CDK17: variants seen among roughly 807,000 people sequenced by gnomAD.
The protein encoded by CDK17 is cyclin dependent kinase 17, also known as cyclin-dependent kinase 17.
Under a neutral mutation model 77.6 loss-of-function variants are expected in CDK17, and 24 were observed. The observed-to-expected ratio is 0.31, with a 90% CI of 0.22 to 0.44. The LOEUF (loss-of-function observed/expected upper bound fraction) is 0.44, where lower values mean the gene tolerates loss of function less well. Ranked by LOEUF, CDK17 falls within the 20% of genes least tolerant of loss-of-function variation. The pLI is 1.00. For missense variants in CDK17, 429 were observed against 622.5 expected (o/e 0.69, Z 3.31); for synonymous variants, 203 against 210.4 (o/e 0.96, Z 0.30).
chr12:96,359,668 T>C (rs1953463052), intron 1 of CDK17, among the ~76,000 whole-genome samples: 1 of 152,338 alleles, frequency 6.6e-6, no homozygotes, highest in African/African-American at 2.4e-5. Context: ...TTTTGGCATT[T>C]GGAGACAAAC....
chr12:96,333,627 T>C (rs111691066), intron 2 of CDK17, among the ~76,000 whole-genome samples: 234 of 151,314 alleles, frequency 1.5e-3, no homozygotes, highest in African/African-American at 5.6e-3. Flanking sequence ...TGAGCCAACA[T>C]TGTGCCACTG....
At chr12:96,293,323 C>A (rs987789144) in intron 10 of CDK17, among the ~76,000 whole-genome samples, 31 of 152,114 alleles carry the variant, frequency 2.0e-4, no homozygotes, top group African/African-American at 7.2e-4. Flanking sequence ...CACCCCTGAG[C>A]CACTGTGTCT....
intron 1 of CDK17, among the ~76,000 whole-genome samples, chr12:96,339,855 G>T (rs1272830016): frequency 6.6e-6 from 1 of 151,798 alleles, no homozygotes; most frequent in East Asian, 1.9e-4. Flanking sequence ...TGATCCCAGG[G>T]GGCAGAGGTT....
Position 96,362,650 on chromosome 12 carries a change from G to T in CDK17, c.-29-27785C>A, listed in dbSNP as rs1953513035. Among the ~76,000 whole-genome samples, 3 of 152,286 alleles carry T rather than the reference G, an allele frequency of 2.0e-5. No homozygotes were observed. The South Asian group carries it at 6.2e-4, about 32-fold the overall frequency. The stretch of plus-strand genomic sequence containing the variant: ...TTTTAGGCTTTGTGGGCTATATACA[G>T]TCTCTGCTAAATACTTTTAAGCAAC... On this transcript the variant is annotated intron_variant, in intron 1 of 16. Coordinates refer to ENST00000261211, the MANE Select transcript of CDK17 (RefSeq NM_002595.5).
intron 12 of CDK17, 75 bp downstream of exon 12, chr12:96,286,589 T>C: frequency 2.0e-6 from 2 of 981,752 alleles, no homozygotes; most frequent in South Asian, 2.8e-5. Flanking sequence ...TTAAAATATG[T>C]ATTTTAGAGA....
intron 14 of CDK17, among the ~76,000 whole-genome samples, chr12:96,283,025 G>A (rs998812758): frequency 1.3e-5 from 2 of 151,708 alleles, no homozygotes; most frequent in East Asian, 1.9e-4. Context: ...GTTTGTTCAA[G>A]GTGTCCATCA....
At chr12:96,396,846 C>T (rs1954177210) in intron 1 of CDK17, among the ~76,000 whole-genome samples, 2 of 152,148 alleles carry the variant, frequency 1.3e-5, no homozygotes, top group Admixed American at 1.3e-4. Context: ...TAGCCCATGA[C>T]GGTAAAATTT....
intron 3 of CDK17, among the ~76,000 whole-genome samples, chr12:96,314,158 G>C (rs1201622724): frequency 3.3e-5 from 5 of 152,090 alleles, no homozygotes; most frequent in Non-Finnish European, 7.4e-5. Flanking sequence ...GGAAGTAGGG[G>C]GAGGAAGATA....
At chr12:96,350,684 C>T (rs1953296745) in intron 1 of CDK17, among the ~76,000 whole-genome samples, 1 of 152,094 alleles carries the variant, frequency 6.6e-6, no homozygotes, top group African/African-American at 2.4e-5. Flanking sequence ...AAGAGTGAAA[C>T]TGGACCATTA....
chr12:96,304,155 T>G lies in CDK17; in HGVS notation c.544-3795A>C, dbSNP rs528675198. ...ATGTTTGACCTCACATAACTGAAATTGTGGAAAATGAAACCACAGATAAAG... is the reference window on the plus strand; with the variant it reads ...ATGTTTGACCTCACATAACTGAAATGGTGGAAAATGAAACCACAGATAAAG... On this transcript the variant is annotated intron_variant, in intron 5 of 16. Coordinates refer to ENST00000261211, the MANE Select transcript of CDK17 (RefSeq NM_002595.5). 5.9e-5 allele frequency among the ~76,000 whole-genome samples: 9 copies of G among 152,322 alleles called. No homozygotes were observed. In the East Asian group the frequency reaches 1.7e-3, roughly 29 times the overall value.
At chr12:96,338,232 T>A (rs747985208) in intron 1 of CDK17, among the ~76,000 whole-genome samples, 1 of 152,194 alleles carries the variant, frequency 6.6e-6, no homozygotes, top group Non-Finnish European at 1.5e-5. Context: ...CATGTTGTCA[T>A]AGCCCATGCA....
intron 1 of CDK17, among the ~76,000 whole-genome samples, chr12:96,390,833 C>T (rs150759071): frequency 1.3e-4 from 19 of 148,974 alleles, no homozygotes; most frequent in South Asian, 4.3e-4. Context: ...CTGGGTGTGG[C>T]GGCTCAAACC....
intron 1 of CDK17, among the ~76,000 whole-genome samples, chr12:96,394,195 A>G (rs1954126033): frequency 6.6e-6 from 1 of 151,996 alleles, no homozygotes; most frequent in Non-Finnish European, 1.5e-5. Flanking sequence ...GCAGTGAGCC[A>G]AGATCACGCC....
At chr12:96,285,874 A>G in intron 13 of CDK17, 169 bp downstream of exon 13, 1 of 381,924 alleles carries the variant, frequency 2.6e-6, no homozygotes, top group Non-Finnish European at 4.8e-6. Flanking sequence ...GTAACTACAT[A>G]AACTCTAGAA....
chr12:96,316,091 G>A (rs1223375066), intron 3 of CDK17, among the ~76,000 whole-genome samples: 1 of 152,210 alleles, frequency 6.6e-6, no homozygotes, highest in Non-Finnish European at 1.5e-5. Context: ...GCAGGCCAGT[G>A]TGTGTGCGCA....
chr12:96,280,745 C>A, intron 16 of CDK17, 63 bp downstream of exon 16: 1 of 1,593,054 alleles, frequency 6.3e-7, no homozygotes, highest in South Asian at 1.1e-5. Context: ...ATTTATAAAC[C>A]AAAAGCTTGG....
intron 1 of CDK17, among the ~76,000 whole-genome samples, chr12:96,391,505 G>A (rs1286175918): frequency 6.6e-6 from 1 of 151,968 alleles, no homozygotes; most frequent in East Asian, 1.9e-4. Context: ...TGCCCAGGCT[G>A]GTCTCGAACC....
At chr12:96,338,771 GTTTT>G (rs34576077) in intron 1 of CDK17, among the ~76,000 whole-genome samples, 15 of 146,590 alleles carry the variant, frequency 1.0e-4, no homozygotes, top group East Asian at 4.0e-4. Context: ...AGCCACTAAG[GTTTT>G]TTTTTTTTTA....
At chr12:96,339,641 T>C (rs1002671714) in intron 1 of CDK17, among the ~76,000 whole-genome samples, 4 of 151,954 alleles carry the variant, frequency 2.6e-5, no homozygotes, top group African/African-American at 9.7e-5. Flanking sequence ...ATTAATAACA[T>C]GTTGAGGGCC....
Sources: allele counts gnomAD v4.1 joint callset (sites outside exome capture counted in the v4.1 genomes callset), GRCh38; gene constraint gnomAD v4.1.1; transcripts MANE v1.5; gene names NCBI Gene and HGNC (gene_info 2026-07-23, HGNC 2026-07-21).